The following PRIM2 variants were observed in gnomAD, a reference collection of about 807,000 sequenced individuals.
PRIM2 encodes the protein DNA primase subunit 2, also known as DNA primase large subunit.
Under a neutral mutation model 67.3 loss-of-function variants are expected in PRIM2, and 39 were observed. The observed-to-expected ratio is 0.58, with a 90% CI of 0.45 to 0.76. The LOEUF (loss-of-function observed/expected upper bound fraction) is 0.76, where lower values mean the gene tolerates loss of function less well. PRIM2 is among the 30% of genes least tolerant of loss of function. The pLI, the probability that PRIM2 is intolerant of heterozygous loss-of-function variation, is 0.00. For missense variants in PRIM2, 398 were observed against 598.7 expected (o/e 0.66, Z 3.50); for synonymous variants, 143 against 198.7 (o/e 0.72, Z 2.36).
At chr6:57,566,536 C>A (rs1185530902) in intron 10 of PRIM2, among the ~76,000 whole-genome samples, 1 of 152,082 alleles carries the variant, frequency 6.6e-6, no homozygotes, top group Non-Finnish European at 1.5e-5. Flanking sequence ...TATTGAGTCT[C>A]AAAAAGGTTA....
intron 10 of PRIM2, among the ~76,000 whole-genome samples, chr6:57,558,127 T>G (rs1775552603): frequency 1.3e-5 from 2 of 152,184 alleles, no homozygotes. Context: ...TCTCTGGACT[T>G]AGTTTTCTCA....
rs1775026068 is a variant in PRIM2 at position 57,537,565 on chromosome 6, G to C, written c.960G>C (p.Leu320Phe). Residue 320 changes from leucine (L) to phenylalanine (F), a missense_variant, in exon 10 of 14, where the codon TTG becomes TTC. Coordinates refer to ENST00000615550, the MANE Select transcript of PRIM2 (RefSeq NM_000947.5). ...TTCTGAAGGGCATTGGTTTAACTTT[G>C]GAACAGGCATTGCAGTTCTGGAAGC... is the stretch of plus-strand genomic sequence containing the variant. ...GLFLKGIGLT[L>F]EQALQFWKQE... is the part of the protein sequence containing the mutation. The C allele has an allele frequency of 6.3e-7, 1 of 1,581,876 alleles. No individual in the cohort carries two copies. Among genetic ancestry groups the C allele is most frequent in the Non-Finnish European group, 8.6e-7 (1 of 1,161,604 alleles).
chr6:57,566,188 T>TC (rs1775735948), intron 10 of PRIM2, among the ~76,000 whole-genome samples: 1 of 151,460 alleles, frequency 6.6e-6, no homozygotes, highest in Admixed American at 6.6e-5. Context: ...TTTTTTTTTT[T>TC]CTGTAAATGG....
At chr6:57,285,669 C>T in the PRIM2 span, among the ~76,000 whole-genome samples, 3 of 151,994 alleles carry the variant, frequency 2.0e-5, no homozygotes, top group African/African-American at 7.2e-5. Context: ...CAATATCAGA[C>T]TGTAAGGGCA....
chr6:57,514,855 A>T (rs1554348070), intron 8 of PRIM2, among the ~76,000 whole-genome samples: 211 of 151,588 alleles, frequency 1.4e-3, no homozygotes, highest in African/African-American at 3.9e-3. Flanking sequence ...TATAAACAGT[A>T]CCCCCCTCCC....
At chr6:57,497,155 G>A (rs1554346448) in intron 7 of PRIM2, among the ~76,000 whole-genome samples, 2 of 152,106 alleles carry the variant, frequency 1.3e-5, no homozygotes, top group Non-Finnish European at 2.9e-5. Context: ...TTTTGTATAC[G>A]TTTTTAAGAT....
intron 8 of PRIM2, among the ~76,000 whole-genome samples, chr6:57,524,624 C>T (rs1554349194): frequency 4.0e-5 from 6 of 151,850 alleles, no homozygotes; most frequent in African/African-American, 9.7e-5. Flanking sequence ...TCACTTGAAC[C>T]GGGGAGGCAG....
At chr6:57,345,902 A>G (rs1370682885) in intron 5 of PRIM2, among the ~76,000 whole-genome samples, 4 of 152,174 alleles carry the variant, frequency 2.6e-5, no homozygotes, top group Admixed American at 2.6e-4. Flanking sequence ...TTTAGACTAT[A>G]TAGGGTAATT....
intron 7 of PRIM2, among the ~76,000 whole-genome samples, chr6:57,496,249 A>G (rs1212908786): frequency 6.6e-6 from 1 of 152,210 alleles, no homozygotes; most frequent in African/African-American, 2.4e-5. Flanking sequence ...GTAGTGCAGA[A>G]TAGATTATCT....
At chr6:57,271,477 C>T in the PRIM2 span, among the ~76,000 whole-genome samples, 1 of 151,958 alleles carries the variant, frequency 6.6e-6, no homozygotes, top group Non-Finnish European at 1.5e-5. Context: ...TGGTGATATC[C>T]CCTTTACCAT....
chr6:57,235,021 G>A, the PRIM2 span, among the ~76,000 whole-genome samples: 2 of 151,578 alleles, frequency 1.3e-5, no homozygotes, highest in Non-Finnish European at 2.9e-5. Flanking sequence ...CAAAATAACC[G>A]AGTGTGATGA....
intron 13 of PRIM2, among the ~76,000 whole-genome samples, chr6:57,639,361 C>A (rs1395249093): frequency 6.6e-6 from 1 of 151,828 alleles, no homozygotes; most frequent in African/African-American, 2.4e-5. Context: ...CAAGAGCACA[C>A]AAATTCAAAA....
chr6:57,315,511 C>T (rs1767464181), upstream of PRIM2, among the ~76,000 whole-genome samples: 1 of 152,164 alleles, frequency 6.6e-6, no homozygotes, highest in Admixed American at 6.5e-5. Flanking sequence ...TGAGTAGTTT[C>T]ATTATAAAAT....
intron 7 of PRIM2, among the ~76,000 whole-genome samples, chr6:57,459,736 C>T (rs1480007920): frequency 1.3e-5 from 2 of 152,088 alleles, no homozygotes; most frequent in Non-Finnish European, 2.9e-5. Context: ...CATGTTTTTG[C>T]TTTTAAGGCC....
intron 7 of PRIM2, among the ~76,000 whole-genome samples, chr6:57,412,752 A>G (rs1771132586): frequency 6.6e-6 from 1 of 152,116 alleles, no homozygotes; most frequent in Admixed American, 6.5e-5. Context: ...CAACAGAAAT[A>G]TTAAGAGGAA....
At chr6:57,515,584 T>G (rs1402744951) in intron 8 of PRIM2, among the ~76,000 whole-genome samples, 8 of 152,022 alleles carry the variant, frequency 5.3e-5, no homozygotes, top group Non-Finnish European at 2.9e-5. Flanking sequence ...GTGTGTAGAT[T>G]AGAGCCTTTA....
At chr6:57,596,718 G>A (rs1776374162) in intron 10 of PRIM2, among the ~76,000 whole-genome samples, 1 of 142,832 alleles carries the variant, frequency 7.0e-6, no homozygotes, top group South Asian at 2.2e-4. Context: ...TTAAAGTATT[G>A]GACAGCCCAG....
rs1244720299 is a variant in PRIM2, at chr6:57,646,380, A to AT, written c.*231dup. On this transcript the variant is annotated 3_prime_UTR_variant, in exon 14 of 14. Coordinates refer to ENST00000615550, the MANE Select transcript of PRIM2 (RefSeq NM_000947.5). ...CCTCATATCCAGATAATTTTTTTCAATTTTTTTTTGTAGAGGTGGGGGGTC... is the reference window on the plus strand; with the variant it reads ...CCTCATATCCAGATAATTTTTTTCAATTTTTTTTTTGTAGAGGTGGGGGGTC... 2.3e-3 allele frequency: 1,073 copies of AT among 472,030 alleles called. No individual in the cohort carries two copies. Among genetic ancestry groups the AT allele is most frequent in the South Asian group, 2.7e-3 (94 of 34,528 alleles). 29.2% of individuals were successfully genotyped at this position (472,030 alleles called of 1,614,324 possible).
chr6:57,309,804 T>C, the PRIM2 span, among the ~76,000 whole-genome samples: 1 of 152,218 alleles, frequency 6.6e-6, no homozygotes, highest in Non-Finnish European at 1.5e-5. Flanking sequence ...TGTTCCTATT[T>C]CTCCACATCC....
Sources: gnomAD v4.1 joint callset for allele counts (sites outside exome capture counted in the v4.1 genomes callset) on GRCh38, gnomAD v4.1.1 for gene constraint, MANE v1.5 for transcripts, NCBI Gene and HGNC (gene_info 2026-07-23, HGNC 2026-07-21) for gene names.